FAM163B: variants seen among roughly 807,000 people sequenced by gnomAD.
The protein encoded by FAM163B is protein FAM163B.
FAM163B carries 4 observed loss-of-function variants against 7.6 expected under a neutral mutation model. That is an observed-to-expected ratio of 0.52 (90% CI 0.26 to 1.20). The LOEUF is 1.20. FAM163B is among the 50% of genes most tolerant of loss of function. The pLI is 0.14. For missense variants in FAM163B, 250 were observed against 243.0 expected (o/e 1.03, Z -0.19); for synonymous variants, 120 against 111.6 (o/e 1.07, Z -0.47).
chr9:133,604,652 G>T (rs747274157), intron 1 of FAM163B, among the ~76,000 whole-genome samples: 1 of 152,102 alleles, frequency 6.6e-6, no homozygotes, highest in African/African-American at 2.4e-5. Flanking sequence ...CTTTTCTGCC[G>T]TGGTGGGCGG....
chr9:133,578,732 TG>T lies in FAM163B; in HGVS notation c.*289del. Reference sequence around the variant, plus strand: ...GAGACAGAATCATCAGGAGTAACGGTGGCCTCTGTGCCTGAGAGCCCTGGTG... The same window carrying T: ...GAGACAGAATCATCAGGAGTAACGGTGCCTCTGTGCCTGAGAGCCCTGGTG... On this transcript the variant is annotated 3_prime_UTR_variant, in exon 3 of 3. Transcript: ENST00000673969. The T allele has an allele frequency of 6.8e-6, 3 of 443,274 alleles. No individual in the cohort carries two copies. The highest frequency in any genetic ancestry group is 1.2e-5 in the Non-Finnish European group (3 of 257,130). 27.5% of individuals were successfully genotyped at this position (443,274 alleles called of 1,614,324 possible).
chr9:133,597,286 A>G (rs575328470), intron 1 of FAM163B, among the ~76,000 whole-genome samples: 1 of 152,350 alleles, frequency 6.6e-6, no homozygotes. Flanking sequence ...GACATAGAAG[A>G]TAGGAAAAAG....
At chr9:133,602,248 C>G (rs1464221812) in intron 1 of FAM163B, among the ~76,000 whole-genome samples, 1 of 152,154 alleles carries the variant, frequency 6.6e-6, no homozygotes, top group East Asian at 1.9e-4. Flanking sequence ...TTCTCATCAC[C>G]CTGCAAGTGG....
At chr9:133,581,854 A>G (rs1448057981) in intron 1 of FAM163B, among the ~76,000 whole-genome samples, 1 of 152,166 alleles carries the variant, frequency 6.6e-6, no homozygotes, top group African/African-American at 2.4e-5. Flanking sequence ...GCTCTCGGCC[A>G]GTTCTTCCAT....
chr9:133,585,567 G>C (rs1831422918), intron 1 of FAM163B, among the ~76,000 whole-genome samples: 1 of 152,254 alleles, frequency 6.6e-6, no homozygotes, highest in Non-Finnish European at 1.5e-5. Context: ...CAGCGCTCGT[G>C]GTAGGAGCCA....
chr9:133,594,766 G>A (rs1262180063), intron 1 of FAM163B, among the ~76,000 whole-genome samples: 1 of 152,108 alleles, frequency 6.6e-6, no homozygotes, highest in African/African-American at 2.4e-5. Flanking sequence ...GCAGCCAGGA[G>A]AAGTGACCCT....
chr9:133,583,625 C>A (rs1298871704), intron 1 of FAM163B, among the ~76,000 whole-genome samples: 1 of 152,198 alleles, frequency 6.6e-6, no homozygotes, highest in African/African-American at 2.4e-5. Flanking sequence ...CCGCTCGCCG[C>A]AAAGCTCTCT....
At chr9:133,582,592 G>A (rs377612211) in intron 1 of FAM163B, among the ~76,000 whole-genome samples, 160 of 152,372 alleles carry the variant, frequency 1.1e-3, no homozygotes, top group African/African-American at 3.6e-3. Context: ...TGTGCTGATA[G>A]CAGGTTTGGG....
intron 1 of FAM163B, among the ~76,000 whole-genome samples, chr9:133,584,057 C>G (rs1049343756): frequency 2.7e-5 from 4 of 145,662 alleles, no homozygotes; most frequent in Admixed American, 6.7e-5. Context: ...ATCCCCCCCC[C>G]GGACCTACCA....
At chr9:133,605,175 C>A (rs570021224) in intron 1 of FAM163B, among the ~76,000 whole-genome samples, 1 of 152,208 alleles carries the variant, frequency 6.6e-6, no homozygotes, top group Non-Finnish European at 1.5e-5. Context: ...AAGAGGTTTT[C>A]GCTAGGGCTC....
chr9:133,581,880 G>A (rs1831361686), intron 1 of FAM163B, among the ~76,000 whole-genome samples: 1 of 152,128 alleles, frequency 6.6e-6, no homozygotes, highest in South Asian at 2.1e-4. Context: ...GATTCCGGGG[G>A]GTCTCCCAGC....
At chr9:133,585,511 C>T (rs1351302337) in intron 1 of FAM163B, among the ~76,000 whole-genome samples, 2 of 152,234 alleles carry the variant, frequency 1.3e-5, no homozygotes, top group Non-Finnish European at 1.5e-5. Context: ...AGGGCCCAGG[C>T]GACGCTTAAT....
chr9:133,587,777 C>T (rs113221983), intron 1 of FAM163B, among the ~76,000 whole-genome samples: 9,885 of 151,974 alleles, frequency 0.065, 450 homozygotes, highest in Non-Finnish European at 0.11. Flanking sequence ...CTGAGGGAGG[C>T]GGGGCACTCA....
At chr9:133,594,421 T>C (rs3025316) in intron 1 of FAM163B, among the ~76,000 whole-genome samples, 10,307 of 152,236 alleles carry the variant, frequency 0.068, 493 homozygotes, top group Non-Finnish European at 0.11. Flanking sequence ...CCTTTGCTAG[T>C]GTCATTCCCA....
chr9:133,591,766 C>T (rs1831556512), intron 1 of FAM163B, among the ~76,000 whole-genome samples: 1 of 152,212 alleles, frequency 6.6e-6, no homozygotes, highest in Non-Finnish European at 1.5e-5. Context: ...TCTGGCCCAG[C>T]AGGGGCTCCT....
intron 1 of FAM163B, among the ~76,000 whole-genome samples, chr9:133,590,119 TTCCCCTCCCCTTCCCCTCCCCTTCCCCTC>T (rs1831524638): frequency 5.2e-5 from 1 of 19,344 alleles, no homozygotes; most frequent in African/African-American, 1.5e-4. Flanking sequence ...TCCCCTCCCC[TTCCCCTCCCCTTCCCCTCCCCTTCCCCTC>T]CCCTTCCCCT....
At position 133,579,057 on chromosome 9, in the gene FAM163B, A is replaced by C. The variant is rs1438776543; in HGVS notation, c.466T>G (p.Phe156Val). 1 of 1,579,434 alleles carries C rather than the reference A, an allele frequency of 6.3e-7. No individual in the cohort carries two copies. ...PNRLSAMREAFARSRSISTDV is the reference protein window; with the variant it reads ...PNRLSAMREAVARSRSISTDV ...GTGCTGATGCTGCGGCTCCTGGCGA[A>C]GGCCTCCCGCATGGCTGAGAGGCGG... The change falls in exon 3 of 3, where the codon TTC (phenylalanine) becomes GTC (valine). Residue 156 changes from phenylalanine to valine, a missense_variant. Physicochemically the swap from Phe to Val is conservative, Grantham distance 50. Coordinates refer to ENST00000673969, the MANE Select transcript of FAM163B (RefSeq NM_001080515.3).
At chr9:133,598,574 G>A (rs1831665291) in intron 1 of FAM163B, among the ~76,000 whole-genome samples, 1 of 151,022 alleles carries the variant, frequency 6.6e-6, no homozygotes, top group African/African-American at 2.4e-5. Flanking sequence ...TTTCGGCCCA[G>A]GAGCCAGGCA....
In FAM163B at chr9:133,578,934, T is replaced by G; in HGVS notation, c.*88A>C. 7.0e-7 allele frequency: 1 copy of G among 1,437,778 alleles called. No individual in the cohort carries two copies. The highest frequency in any genetic ancestry group is 9.1e-7 in the Non-Finnish European group (1 of 1,099,236). The allele number at this position is 1,437,778 out of a possible 1,614,324, so 89.1% of individuals were successfully genotyped here. On this transcript the variant is annotated 3_prime_UTR_variant, in exon 3 of 3. Coordinates refer to ENST00000673969, the MANE Select transcript of FAM163B (RefSeq NM_001080515.3). Reference sequence around the variant, plus strand: ...CCAGGAGGGCTCAGCCAAGCCCCACTTGGGGCCTGGGGCCAGGTGGGTGTG... The same window carrying G: ...CCAGGAGGGCTCAGCCAAGCCCCACGTGGGGCCTGGGGCCAGGTGGGTGTG...
Sources: gnomAD v4.1 joint callset for allele counts (sites outside exome capture counted in the v4.1 genomes callset) on GRCh38, gnomAD v4.1.1 for gene constraint, MANE v1.5 for transcripts, NCBI Gene and HGNC (gene_info 2026-07-23, HGNC 2026-07-21) for gene names.